PPP4R1: variants seen among roughly 807,000 people sequenced by gnomAD.
PPP4R1 encodes protein phosphatase 4 regulatory subunit 1.
Under a neutral mutation model 111.2 loss-of-function variants are expected in PPP4R1, and 42 were observed. The observed-to-expected ratio is 0.38, with a 90% CI of 0.29 to 0.49. The LOEUF (loss-of-function observed/expected upper bound fraction) is 0.49. Ranked by LOEUF, PPP4R1 falls within the 20% of genes least tolerant of loss-of-function variation. The pLI is 0.97. For synonymous variants in PPP4R1, 409 were observed against 405.5 expected (o/e 1.01, Z -0.10); for missense variants, 1,012 against 1,161.6 (o/e 0.87, Z 1.87).
chr18:9,592,454 A>G (rs1568118989), intron 4 of PPP4R1, among the ~76,000 whole-genome samples: 1 of 152,176 alleles, frequency 6.6e-6, no homozygotes, highest in Non-Finnish European at 1.5e-5. Context: ...CCTTCCCATT[A>G]TAATTTATTG....
At chr18:9,555,045 T>C (rs954836088) in intron 15 of PPP4R1, among the ~76,000 whole-genome samples, 1 of 152,222 alleles carries the variant, frequency 6.6e-6, no homozygotes, top group Non-Finnish European at 1.5e-5. Context: ...CTCACATCTG[T>C]AATCCCAGAA....
chr18:9,555,935 G>A (rs1315989780), intron 15 of PPP4R1, among the ~76,000 whole-genome samples: 2 of 151,468 alleles, frequency 1.3e-5, no homozygotes, highest in South Asian at 2.1e-4. Flanking sequence ...AGGAGATCAA[G>A]ACCATCCTGG....
At chr18:9,549,470 C>T (rs1256410258) in intron 18 of PPP4R1, 132 bp from the exon 19 acceptor site, 3 of 1,106,294 alleles carry the variant, frequency 2.7e-6, no homozygotes, top group Non-Finnish European at 3.8e-6. Context: ...ATTCCACGTA[C>T]TTGGGAACTC....
chr18:9,555,940 T>G (rs539195824), intron 15 of PPP4R1, among the ~76,000 whole-genome samples: 13 of 149,892 alleles, frequency 8.7e-5, no homozygotes, highest in South Asian at 2.1e-4. Context: ...ATCAAGACCA[T>G]CCTGGCCAAC....
chr18:9,614,227 T>A lies in PPP4R1; in HGVS notation c.51A>T (p.Gly17=). Residue 17 remains glycine, a splice_region_variant and synonymous_variant, in exon 2 of 20, where the codon GGA becomes GGT. Coordinates refer to ENST00000400556, the MANE Select transcript of PPP4R1 (RefSeq NM_001042388.3). The surrounding 1 kb of genome is among the most constrained non-coding windows in gnomAD (Gnocchi z 4.1). ...LQEDLQEDAD[G]FGVDDYSSES... is the part of the protein sequence containing the mutation. ...CCACCGCGAGGCCGGGCCACTCACA[T>A]CCGTCTGCGTCCTCCTGCAGGTCCT... 7.4e-7 allele frequency: 1 copy of A among 1,354,170 alleles called. No homozygotes were observed. The highest frequency in any genetic ancestry group is 1.7e-5 in the South Asian group (1 of 60,294). 83.9% of individuals were successfully genotyped at this position (1,354,170 alleles called of 1,614,324 possible).
chr18:9,550,065 A>G lies in PPP4R1; in HGVS notation c.2534T>C (p.Val845Ala), dbSNP rs1202233976. The G allele has an allele frequency of 6.2e-7, 1 of 1,614,202 alleles. No homozygotes were observed. Among genetic ancestry groups the G allele is most frequent in the Admixed American group, 1.7e-5 (1 of 60,018 alleles). ...CPKWSGRQAFVFVCQTVIEDD... is the reference protein window; with the variant it reads ...CPKWSGRQAFAFVCQTVIEDD... ...GGCCTCGCTTACCTGGCAGACAAAG[A>G]CAAAGGCTTGCCGACCAGACCACTT... The change falls in exon 18 of 20, where the codon GTC becomes GCC. Residue 845 changes from valine (V) to alanine (A), a missense_variant. This residue lies in a region of PPP4R1 where 305 missense variants were observed against 419.5 expected (regional missense o/e 0.73). Coordinates refer to ENST00000400556, the MANE Select transcript of PPP4R1 (RefSeq NM_001042388.3).
intron 14 of PPP4R1, 85 bp downstream of exon 14, chr18:9,559,334 G>A: frequency 7.8e-7 from 1 of 1,283,738 alleles, no homozygotes; most frequent in Non-Finnish European, 1.0e-6. Flanking sequence ...GCTAGAACAT[G>A]AACAGAAATT....
intron 11 of PPP4R1, among the ~76,000 whole-genome samples, chr18:9,565,051 T>C (rs2066743907): frequency 6.6e-6 from 1 of 152,160 alleles, no homozygotes; most frequent in Non-Finnish European, 1.5e-5. Context: ...GTGGCAAGCT[T>C]ACATTTAGCA....
At position 9,577,562 on chromosome 18, in the gene PPP4R1, G is replaced by A. The variant is rs367846103; in HGVS notation, c.919-371C>T. Among the ~76,000 whole-genome samples, 46 of 152,294 alleles carry A rather than the reference G, an allele frequency of 3.0e-4. 1 individual carries two copies. In the South Asian group the frequency reaches 8.9e-3, roughly 29 times the overall value. On this transcript the variant is annotated intron_variant, in intron 9 of 19. Coordinates refer to ENST00000400556, the MANE Select transcript of PPP4R1 (RefSeq NM_001042388.3). ...TGCCTGTGGTCCCAGCTACTCGGCA[G>A]GGCCTGAGGTGGAAGAAGCGCGTGA...
rs1294831850 is a variant in PPP4R1 at position 9,557,314 on chromosome 18, T to A, written c.2097A>T (p.Thr699=). 6.2e-7 allele frequency: 1 copy of A among 1,613,036 alleles called. No homozygotes were observed. Among genetic ancestry groups the A allele is most frequent in the South Asian group, 1.1e-5 (1 of 90,774 alleles). Residue 699 remains threonine, a synonymous_variant, in exon 15 of 20, where the codon ACA becomes ACT. Coordinates refer to ENST00000400556, the MANE Select transcript of PPP4R1 (RefSeq NM_001042388.3). ...ELAVILGDQL[T]AADLVPIFNG... is the part of the protein sequence containing the mutation. ...TAAAAATTGGAACCAGATCTGCAGC[T>A]GTCAATTGATCTCCAAGAATAACTG...
chr18:9,569,303 G>A (rs977301661), intron 11 of PPP4R1, among the ~76,000 whole-genome samples: 4 of 152,048 alleles, frequency 2.6e-5, no homozygotes, highest in African/African-American at 7.2e-5. Flanking sequence ...CTGTAAAGAC[G>A]TTAAACATTT....
intron 4 of PPP4R1, 32 bp downstream of exon 4, chr18:9,593,736 G>T (rs759306659): frequency 2.2e-5 from 34 of 1,578,500 alleles, no homozygotes; most frequent in Non-Finnish European, 2.8e-5. Context: ...AGCCTTTCTA[G>T]AATAGAGTAA....
Position 9,584,842 on chromosome 18 carries a change from G to A in PPP4R1, c.586-14C>T, listed in dbSNP as rs766314827. 1 of 1,562,236 alleles carries A rather than the reference G, an allele frequency of 6.4e-7. No individual in the cohort carries two copies. Among genetic ancestry groups the A allele is most frequent in the Non-Finnish European group, 8.8e-7 (1 of 1,139,262 alleles). ...TTTGCACATTATCTAAAATAAGTAA[G>A]AACAAACACACACTGAAAATATCAA... On this transcript the variant is annotated splice_polypyrimidine_tract_variant and intron_variant, in intron 6 of 19. Coordinates refer to ENST00000400556, the MANE Select transcript of PPP4R1 (RefSeq NM_001042388.3).
At position 9,555,109 on chromosome 18, in the gene PPP4R1, T is replaced by C. The variant is rs546495311; in HGVS notation, c.2191-1687A>G. On this transcript the variant is annotated intron_variant, in intron 15 of 19. Transcript: ENST00000400556. ...CTTGAGCCCAGGAGTTCAAGACCAG[T>C]GTGGGCAACATAGTGAAACCCTATC... 9.9e-5 allele frequency among the ~76,000 whole-genome samples: 15 copies of C among 152,074 alleles called. No individual in the cohort carries two copies. In the East Asian group the frequency reaches 2.9e-3, roughly 29 times the overall value.
chr18:9,565,636 A>G (rs1598906124), intron 11 of PPP4R1, among the ~76,000 whole-genome samples: 2 of 152,398 alleles, frequency 1.3e-5, no homozygotes, highest in African/African-American at 4.8e-5. Context: ...TGGTCTGGAC[A>G]GAAATCAAAC....
upstream of PPP4R1, chr18:9,614,565 C>T (rs946375516): frequency 3.3e-5 from 31 of 941,544 alleles, no homozygotes; most frequent in Non-Finnish European, 3.8e-5. The surrounding 1 kb of genome is among the most constrained non-coding windows in gnomAD (Gnocchi z 4.1). Context: ...CCGGTGGACG[C>T]GCGCGGGAGG....
chr18:9,584,299 A>C lies in PPP4R1; in HGVS notation c.759+216T>G, dbSNP rs73395789. Among the ~76,000 whole-genome samples, 1,182 of 152,356 alleles carry C rather than the reference A, an allele frequency of 7.8e-3. 20 individuals carry two copies. The highest frequency in any genetic ancestry group is 0.027 in the African/African-American group (1,119 of 41,586). The stretch of plus-strand genomic sequence containing the variant: ...AAATGGAAGAGGTGAAAACAGATCA[A>C]TGGTTCTGAAACATATCCATATTTT... On this transcript the variant is annotated intron_variant, in intron 8 of 19. Coordinates refer to ENST00000400556, the MANE Select transcript of PPP4R1 (RefSeq NM_001042388.3).
intron 5 of PPP4R1, 27 bp downstream of exon 5, chr18:9,588,684 T>G (rs995959660): frequency 6.4e-7 from 1 of 1,568,234 alleles, no homozygotes; most frequent in Non-Finnish European, 8.7e-7. Context: ...TAAATTTCTT[T>G]TAAGAACATA....
intron 4 of PPP4R1, among the ~76,000 whole-genome samples, chr18:9,590,360 A>T (rs571834728): frequency 6.6e-6 from 1 of 152,336 alleles, no homozygotes; most frequent in East Asian, 1.9e-4. Context: ...TATGAACAAA[A>T]TAGAGTGTTT....
Sources: gnomAD v4.1 joint callset for allele counts (sites outside exome capture counted in the v4.1 genomes callset) on GRCh38, gnomAD v4.1.1 for gene constraint, gnomAD v4.1.1 regional missense constraint, Gnocchi (gnomAD v3.1) non-coding constraint, MANE v1.5 for transcripts, NCBI Gene and HGNC (gene_info 2026-07-23, HGNC 2026-07-21) for gene names.